Variants in PLPPR1 observed in about 807,000 individuals in gnomAD.
The protein encoded by PLPPR1 is phospholipid phosphatase-related protein type 1.
PLPPR1 carries 10 observed loss-of-function variants against 33.1 expected under a neutral mutation model. That is an observed-to-expected ratio of 0.30 (90% CI 0.19 to 0.51). The LOEUF (loss-of-function observed/expected upper bound fraction) is 0.51. PLPPR1 is among the 20% of genes least tolerant of loss of function. The pLI, the probability that PLPPR1 is intolerant of heterozygous loss-of-function variation, is 0.97. For synonymous variants in PLPPR1, 151 were observed against 151.0 expected (o/e 1.00, Z 0.00); for missense variants, 304 against 408.1 (o/e 0.74, Z 2.20).
intron 1 of PLPPR1, among the ~76,000 whole-genome samples, chr9:101,086,580 T>C (rs1830678605): frequency 6.6e-6 from 1 of 152,214 alleles, no homozygotes; most frequent in Admixed American, 6.5e-5. Context: ...ATCTGGGCTA[T>C]ACATTACTAT....
At chr9:101,220,796 T>G (rs951973648) in intron 2 of PLPPR1, among the ~76,000 whole-genome samples, 1 of 152,168 alleles carries the variant, frequency 6.6e-6, no homozygotes, top group Non-Finnish European at 1.5e-5. Context: ...GAACCAACGG[T>G]TGCAGCTAGA....
chr9:101,314,750 TAAA>T (rs34696830), intron 6 of PLPPR1, among the ~76,000 whole-genome samples: 1 of 146,198 alleles, frequency 6.8e-6, no homozygotes, highest in Admixed American at 6.8e-5. Flanking sequence ...AGCTTCAATT[TAAA>T]AAAAAAAAAA....
intron 7 of PLPPR1, 59 bp from the exon 8 acceptor site, chr9:101,323,966 A>C: frequency 7.1e-7 from 1 of 1,406,418 alleles, no homozygotes; most frequent in East Asian, 2.3e-5. Flanking sequence ...GGGACAAGTG[A>C]GTGTGCACGT....
chr9:101,276,677 A>G (rs1158919939), intron 3 of PLPPR1, among the ~76,000 whole-genome samples: 1 of 152,236 alleles, frequency 6.6e-6, no homozygotes, highest in Non-Finnish European at 1.5e-5. Context: ...TGTTCAGATA[A>G]AAAGATATAA....
At chr9:101,192,509 G>C (rs1826314091) in intron 2 of PLPPR1, among the ~76,000 whole-genome samples, 1 of 152,082 alleles carries the variant, frequency 6.6e-6, no homozygotes, top group South Asian at 2.1e-4. Context: ...AAATAAAAAT[G>C]ACTTCCTTAT....
At chr9:101,181,761 C>T (rs1428598227) in intron 1 of PLPPR1, among the ~76,000 whole-genome samples, 2 of 146,004 alleles carry the variant, frequency 1.4e-5, no homozygotes, top group Non-Finnish European at 3.0e-5. Context: ...ACACAACACA[C>T]ATACATATAT....
chr9:101,210,349 G>C (rs1826668261), intron 2 of PLPPR1, among the ~76,000 whole-genome samples: 1 of 152,320 alleles, frequency 6.6e-6, no homozygotes, highest in African/African-American at 2.4e-5. Context: ...TAATCCAGGG[G>C]CTCAGGGGTT....
intron 3 of PLPPR1, among the ~76,000 whole-genome samples, chr9:101,279,076 GCTAA>G (rs1190117493): frequency 6.6e-6 from 1 of 152,134 alleles, no homozygotes; most frequent in Admixed American, 6.6e-5. Context: ...ATAAAATGCT[GCTAA>G]CTGACCATAA....
At chr9:101,095,270 C>A (rs1830803076) in intron 1 of PLPPR1, among the ~76,000 whole-genome samples, 2 of 49,462 alleles carry the variant, frequency 4.0e-5, no homozygotes, top group South Asian at 7.0e-4. Flanking sequence ...TCTATTCATT[C>A]CCCACTGCTT....
chr9:101,032,717 C>A (rs955159604), intron 1 of PLPPR1, among the ~76,000 whole-genome samples: 2 of 152,108 alleles, frequency 1.3e-5, no homozygotes, highest in African/African-American at 4.8e-5. Context: ...ATTTCTCCAA[C>A]GTGATCAACT....
At position 101,317,336 on chromosome 9, in the gene PLPPR1, C is replaced by T. The variant is rs768880869; in HGVS notation, c.814-29C>T. The T allele has an allele frequency of 5.0e-6, 8 of 1,606,590 alleles. No homozygotes were observed. The South Asian group carries it at 8.9e-5, about 18-fold the overall frequency. ...CAGGCATTGATGGCTGCAGTCTGAC[C>T]CCATTCTTTTTTCCCCCTCATCCTG... On this transcript the variant is annotated intron_variant, in intron 6 of 7. Coordinates refer to ENST00000374874, the MANE Select transcript of PLPPR1 (RefSeq NM_207299.2).
intron 2 of PLPPR1, among the ~76,000 whole-genome samples, chr9:101,215,442 A>T (rs984369279): frequency 6.6e-6 from 1 of 152,068 alleles, no homozygotes; most frequent in African/African-American, 2.4e-5. Flanking sequence ...CACCATGCCC[A>T]GCCAAATTTT....
intron 7 of PLPPR1, chr9:101,322,349 T>C (rs975466688): frequency 2.0e-5 from 3 of 151,854 alleles, no homozygotes; most frequent in African/African-American, 7.3e-5. Flanking sequence ...AGACTTTAGG[T>C]TTGCAAGAAG....
chr9:101,108,010 C>T (rs1462190918), intron 1 of PLPPR1, among the ~76,000 whole-genome samples: 2 of 148,816 alleles, frequency 1.3e-5, no homozygotes, highest in African/African-American at 2.5e-5. Flanking sequence ...CTTCGGCTCG[C>T]GCACGGTGCG....
At chr9:101,172,374 C>G (rs1446278624) in intron 1 of PLPPR1, among the ~76,000 whole-genome samples, 1 of 151,698 alleles carries the variant, frequency 6.6e-6, no homozygotes, top group Admixed American at 6.6e-5. Context: ...ACAAAATATG[C>G]TGCAAGGAGT....
chr9:101,109,901 C>T (rs1831031195), intron 1 of PLPPR1, among the ~76,000 whole-genome samples: 1 of 152,124 alleles, frequency 6.6e-6, no homozygotes, highest in African/African-American at 2.4e-5. Flanking sequence ...ACTTTGAATT[C>T]TTGGCATATA....
intron 1 of PLPPR1, among the ~76,000 whole-genome samples, chr9:101,033,047 C>T (rs1319597744): frequency 6.6e-6 from 1 of 152,236 alleles, no homozygotes; most frequent in South Asian, 2.1e-4. Context: ...AAGGATCTCA[C>T]TTAAAGAGCT....
chr9:101,292,505 T>G (rs1156707808), intron 4 of PLPPR1, among the ~76,000 whole-genome samples: 1 of 151,142 alleles, frequency 6.6e-6, no homozygotes, highest in Non-Finnish European at 1.5e-5. Context: ...TCACCAAAGT[T>G]GAAATGAAGA....
chr9:101,089,083 G>T (rs1213180252), intron 1 of PLPPR1, among the ~76,000 whole-genome samples: 1 of 152,152 alleles, frequency 6.6e-6, no homozygotes, highest in African/African-American at 2.4e-5. Context: ...AATTCTAGGA[G>T]ACTGGCGTAT....
Sources: gnomAD v4.1 joint callset for allele counts (sites outside exome capture counted in the v4.1 genomes callset) on GRCh38, gnomAD v4.1.1 for gene constraint, MANE v1.5 for transcripts, NCBI Gene and HGNC (gene_info 2026-07-23, HGNC 2026-07-21) for gene names.